The following PTPRN2 variants were observed in gnomAD, a reference collection of about 807,000 sequenced individuals.
PTPRN2 encodes the protein receptor-type tyrosine-protein phosphatase N2.
PTPRN2 carries 74 observed loss-of-function variants against 118.8 expected under a neutral mutation model. The ratio of observed to expected loss-of-function variants is 0.62; its 90% CI spans 0.52 to 0.76. The LOEUF is 0.76. PTPRN2 is among the 30% of genes least tolerant of loss of function. The pLI is 0.00. For synonymous variants in PTPRN2, 641 were observed against 608.0 expected (o/e 1.05, Z -0.80); for missense variants, 1,481 against 1,394.4 (o/e 1.06, Z -0.99).
At chr7:157,581,310 C>T (rs574333141) in intron 17 of PTPRN2, among the ~76,000 whole-genome samples, 1 of 152,254 alleles carries the variant, frequency 6.6e-6, no homozygotes, top group Non-Finnish European at 1.5e-5. Flanking sequence ...CCCAGTTTTA[C>T]ATACTTCTTC....
At chr7:158,060,302 G>GCACACAGTGACACATCACTGCAGCCACA (rs1810218647) in intron 11 of PTPRN2, among the ~76,000 whole-genome samples, 1 of 116,358 alleles carries the variant, frequency 8.6e-6, no homozygotes, top group Admixed American at 8.0e-5. Context: ...CTGCAGCCAC[G>GCACACAGTGACACATCACTGCAGCCACA]CTCCATCTGC....
intron 11 of PTPRN2, among the ~76,000 whole-genome samples, chr7:158,006,934 G>A (rs1805668739): frequency 6.6e-6 from 1 of 152,140 alleles, no homozygotes; most frequent in Non-Finnish European, 1.5e-5. Flanking sequence ...GTCTCCCTAG[G>A]GCTGCCCTAA....
At position 157,708,499 on chromosome 7, in the gene PTPRN2, T is replaced by C. The variant is rs139355745; in HGVS notation, c.1789-25562A>G. ...TGGCTCTCGGCCATTCAGGAGTACC[T>C]GCAGGTGGCAGAAGGTACTCCAGAG... On this transcript the variant is annotated intron_variant, in intron 12 of 22. Transcript: ENST00000389418. Among the ~76,000 whole-genome samples, 613 of 151,980 alleles carry C rather than the reference T, an allele frequency of 4.0e-3. 8 individuals carry two copies. Among genetic ancestry groups the C allele is most frequent in the African/African-American group, 0.014 (581 of 41,416 alleles).
intron 2 of PTPRN2, among the ~76,000 whole-genome samples, chr7:158,385,247 C>A (rs1170709655): frequency 6.6e-6 from 1 of 152,076 alleles, no homozygotes; most frequent in Non-Finnish European, 1.5e-5. Flanking sequence ...ATATAAAATT[C>A]TGGGAACAAT....
At chr7:157,994,512 A>AACGCC (rs1270638797) in intron 11 of PTPRN2, among the ~76,000 whole-genome samples, 1 of 150,260 alleles carries the variant, frequency 6.7e-6, no homozygotes, top group African/African-American at 2.5e-5. Context: ...TCCTAAAATC[A>AACGCC]GCACCGCATC....
chr7:157,843,659 A>C (rs1269834000), intron 12 of PTPRN2, among the ~76,000 whole-genome samples: 4 of 152,212 alleles, frequency 2.6e-5, no homozygotes, highest in Non-Finnish European at 5.9e-5. Flanking sequence ...CAGGTGTCGG[A>C]AAAAAATTTG....
intron 21 of PTPRN2, among the ~76,000 whole-genome samples, chr7:157,549,577 C>T (rs1008898223): frequency 1.3e-5 from 2 of 152,204 alleles, no homozygotes; most frequent in African/African-American, 4.8e-5. Flanking sequence ...TCACCAAAAG[C>T]TCCATCCTCC....
chr7:157,819,272 A>G (rs1806642876), intron 12 of PTPRN2, among the ~76,000 whole-genome samples: 1 of 152,156 alleles, frequency 6.6e-6, no homozygotes, highest in South Asian at 2.1e-4. Flanking sequence ...CCCATGCCTC[A>G]TCAGCATGGC....
At chr7:157,696,956 C>T (rs1797821426) in intron 12 of PTPRN2, among the ~76,000 whole-genome samples, 1 of 112,622 alleles carries the variant, frequency 8.9e-6, no homozygotes. Flanking sequence ...TGGGTCTTGG[C>T]AGAGCCCTCA....
chr7:158,406,874 G>A (rs1813486951), intron 2 of PTPRN2, among the ~76,000 whole-genome samples: 1 of 152,210 alleles, frequency 6.6e-6, no homozygotes, highest in Non-Finnish European at 1.5e-5. Flanking sequence ...GATCACAGCA[G>A]GCACTCCAGG....
At chr7:157,696,853 TC>T (rs1563356269) in intron 12 of PTPRN2, among the ~76,000 whole-genome samples, 3 of 117,036 alleles carry the variant, frequency 2.6e-5, no homozygotes, top group African/African-American at 1.0e-4. Context: ...GCCCTCACCG[TC>T]TACACATGCA....
chr7:158,318,210 C>T (rs1252338414), intron 2 of PTPRN2, among the ~76,000 whole-genome samples: 1 of 152,166 alleles, frequency 6.6e-6, no homozygotes, highest in South Asian at 2.1e-4. Flanking sequence ...CAGATGTGCC[C>T]GCTCCTTTGC....
At chr7:157,684,378 A>AGGGGGAGGGAGAGGGAAAGGG (rs1797061236) in intron 12 of PTPRN2, among the ~76,000 whole-genome samples, 2 of 109,570 alleles carry the variant, frequency 1.8e-5, no homozygotes, top group South Asian at 3.3e-4. Context: ...AGGGAAGGAA[A>AGGGGGAGGGAGAGGGAAAGGG]GGGGGAGGGA....
intron 10 of PTPRN2, among the ~76,000 whole-genome samples, chr7:158,105,969 TC>T (rs1426285489): frequency 1.3e-5 from 2 of 151,848 alleles, no homozygotes; most frequent in Non-Finnish European, 2.9e-5. Context: ...CCCAGCTCCA[TC>T]CAGTTCCATC....
intron 3 of PTPRN2, among the ~76,000 whole-genome samples, chr7:158,236,125 G>C (rs902742931): frequency 1.3e-5 from 2 of 152,172 alleles, no homozygotes; most frequent in Non-Finnish European, 2.9e-5. Flanking sequence ...TAGATCCCAG[G>C]CACCATCACC....
chr7:157,715,304 C>T (rs950692319), intron 12 of PTPRN2, among the ~76,000 whole-genome samples: 2 of 152,156 alleles, frequency 1.3e-5, no homozygotes, highest in Non-Finnish European at 2.9e-5. Flanking sequence ...CCGGCGGCCG[C>T]GGGAAACCCC....
At chr7:157,853,306 G>A (rs1809431734) in intron 12 of PTPRN2, among the ~76,000 whole-genome samples, 1 of 152,164 alleles carries the variant, frequency 6.6e-6, no homozygotes, top group African/African-American at 2.4e-5. Flanking sequence ...TGTGGCATGG[G>A]GTAACTTCAG....
intron 12 of PTPRN2, among the ~76,000 whole-genome samples, chr7:157,702,485 C>T (rs975771180): frequency 6.6e-6 from 1 of 152,196 alleles, no homozygotes; most frequent in African/African-American, 2.4e-5. Flanking sequence ...CCTCTCACAG[C>T]CCAGTGGGGA....
intron 16 of PTPRN2, among the ~76,000 whole-genome samples, chr7:157,602,576 C>G (rs779358516): frequency 3.3e-5 from 5 of 151,404 alleles, no homozygotes; most frequent in Non-Finnish European, 5.9e-5. Context: ...GCTGAGCACC[C>G]TCCACCATCA....
Sources: allele counts gnomAD v4.1 joint callset (sites outside exome capture counted in the v4.1 genomes callset), GRCh38; gene constraint gnomAD v4.1.1; transcripts MANE v1.5; gene names NCBI Gene and HGNC (gene_info 2026-07-23, HGNC 2026-07-21).